RNLS: variants seen among roughly 807,000 people sequenced by gnomAD.
The protein encoded by RNLS is renalase.
A neutral mutation model predicts 39.8 loss-of-function variants in RNLS; 39 were observed. The ratio of observed to expected loss-of-function variants is 0.98; its 90% confidence interval spans 0.76 to 1.28. RNLS has a LOEUF of 1.28. Among genes scored for constraint, RNLS ranks in the 50% most tolerant of loss-of-function variants. RNLS has a pLI of 0.00. For synonymous variants in RNLS, 147 were observed against 150.7 expected (o/e 0.98, Z 0.18); for missense variants, 410 against 413.3 (o/e 0.99, Z 0.07).
At chr10:88,184,432 A>C in the RNLS span, among the ~76,000 whole-genome samples, 3 of 152,026 alleles carry the variant, frequency 2.0e-5, no homozygotes, top group Admixed American at 6.6e-5. Context: ...GAGACATTGA[A>C]ATTGAATAAT....
intron 5 of RNLS, among the ~76,000 whole-genome samples, chr10:88,349,384 C>G (rs1256041048): frequency 6.6e-6 from 1 of 152,096 alleles, no homozygotes; most frequent in East Asian, 1.9e-4. Context: ...TGAAAGGGGT[C>G]TGTTGTTTGT....
intron 5 of RNLS, among the ~76,000 whole-genome samples, chr10:88,359,035 G>C (rs192889710): frequency 6.6e-6 from 1 of 152,132 alleles, no homozygotes. Context: ...TCTCCTGGCC[G>C]GGTACAGTGG....
chr10:88,527,691 T>C (rs1014826377), intron 4 of RNLS, among the ~76,000 whole-genome samples: 14 of 151,916 alleles, frequency 9.2e-5, no homozygotes, highest in African/African-American at 3.4e-4. Flanking sequence ...TATACACAAA[T>C]ACATAGAGCT....
At chr10:88,524,956 C>CATAT (rs748723170) in intron 4 of RNLS, among the ~76,000 whole-genome samples, 5 of 76,294 alleles carry the variant, frequency 6.6e-5, no homozygotes, top group Non-Finnish European at 7.9e-5. Flanking sequence ...ATGGCACACA[C>CATAT]ATACATATAT....
chr10:88,498,995 G>A (rs996864247), intron 4 of RNLS, among the ~76,000 whole-genome samples: 2 of 152,168 alleles, frequency 1.3e-5, no homozygotes, highest in African/African-American at 4.8e-5. Context: ...TTTGAGAGAA[G>A]TGGGAAAATC....
Position 88,564,316 on chromosome 10 carries a change from T to TAC in RNLS, c.526+8585_526+8586dup, listed in dbSNP as rs5786827. 5.2e-3 allele frequency among the ~76,000 whole-genome samples: 775 copies of TAC among 149,030 alleles called. 5 individuals are homozygous for TAC. Among genetic ancestry groups the TAC allele is most frequent in the African/African-American group, 0.011 (445 of 40,618 alleles). On this transcript the variant is annotated intron_variant, in intron 4 of 6. Coordinates refer to ENST00000331772, the MANE Select transcript of RNLS (RefSeq NM_001031709.3). ...TTTGAAAGGTTGTGATGACTGCAAA[T>TAC]ACACACACACACACACACACACACA...
chr10:88,505,029 A>G (rs1845712703), intron 4 of RNLS, among the ~76,000 whole-genome samples: 1 of 152,012 alleles, frequency 6.6e-6, no homozygotes, highest in African/African-American at 2.4e-5. Context: ...TAAAAAATTA[A>G]ATCTATGGTC....
chr10:88,324,605 A>T (rs1275120300), intron 5 of RNLS, among the ~76,000 whole-genome samples: 1 of 152,036 alleles, frequency 6.6e-6, no homozygotes, highest in Non-Finnish European at 1.5e-5. Context: ...AAAATTCCCT[A>T]TTGGGTACTA....
At chr10:88,537,671 G>C (rs1475081680) in intron 4 of RNLS, among the ~76,000 whole-genome samples, 5 of 152,152 alleles carry the variant, frequency 3.3e-5, no homozygotes, top group African/African-American at 1.2e-4. Context: ...TATGCTGTCA[G>C]AAGTCTGGGT....
chr10:88,272,186 T>C (rs1842668093), downstream of RNLS, among the ~76,000 whole-genome samples: 1 of 152,174 alleles, frequency 6.6e-6, no homozygotes, highest in African/African-American at 2.4e-5. Flanking sequence ...ATGTATTTTA[T>C]ATATCATATT....
At chr10:88,224,601 G>A in the RNLS span, among the ~76,000 whole-genome samples, 6 of 152,242 alleles carry the variant, frequency 3.9e-5, no homozygotes, top group South Asian at 1.2e-3. Context: ...GCTACTTTGA[G>A]TAGGTTTTTG....
At chr10:88,364,299 C>T (rs1357140313) in intron 4 of RNLS, among the ~76,000 whole-genome samples, 1 of 152,090 alleles carries the variant, frequency 6.6e-6, no homozygotes, top group East Asian at 1.9e-4. Flanking sequence ...TTAAATCTTA[C>T]AGAAGTGGCT....
chr10:88,289,051 A>T (rs1564663903), intron 6 of RNLS, among the ~76,000 whole-genome samples: 1 of 152,294 alleles, frequency 6.6e-6, no homozygotes, highest in East Asian at 1.9e-4. Context: ...TTTGGCTCAC[A>T]TGTGTGCCAG....
At chr10:88,573,451 C>T (rs887316605) in intron 3 of RNLS, among the ~76,000 whole-genome samples, 1 of 152,166 alleles carries the variant, frequency 6.6e-6, no homozygotes, top group Non-Finnish European at 1.5e-5. Flanking sequence ...CCATCTGACT[C>T]TAAAGCTCAT....
intron 4 of RNLS, among the ~76,000 whole-genome samples, chr10:88,528,132 T>G (rs896332063): frequency 6.6e-6 from 1 of 151,862 alleles, no homozygotes; most frequent in African/African-American, 2.4e-5. Context: ...GGCACAGGGC[T>G]ACAAAATTTC....
chr10:88,178,720 G>A, the RNLS span, among the ~76,000 whole-genome samples: 4 of 152,300 alleles, frequency 2.6e-5, 1 homozygote, highest in Admixed American at 2.6e-4. Context: ...TATGGAGGAG[G>A]CAAGTGCTGG....
At chr10:88,353,096 T>C (rs544984627) in intron 5 of RNLS, among the ~76,000 whole-genome samples, 115 of 152,366 alleles carry the variant, frequency 7.5e-4, no homozygotes, top group Non-Finnish European at 1.4e-3. Context: ...TCTGTTTTCT[T>C]CTTTTTTAGT....
chr10:88,205,946 A>G, the RNLS span, among the ~76,000 whole-genome samples: 3 of 152,164 alleles, frequency 2.0e-5, no homozygotes, highest in Non-Finnish European at 4.4e-5. Flanking sequence ...GCAATGACCA[A>G]CAGAGTAGCC....
At chr10:88,359,376 T>A (rs1007112547) in intron 5 of RNLS, among the ~76,000 whole-genome samples, 5 of 150,862 alleles carry the variant, frequency 3.3e-5, no homozygotes, top group African/African-American at 1.2e-4. Context: ...TAAAATAGAG[T>A]GAAGTTACAT....
Sources: allele counts gnomAD v4.1 joint callset (sites outside exome capture counted in the v4.1 genomes callset), GRCh38; gene constraint gnomAD v4.1.1; transcripts MANE v1.5; gene names NCBI Gene and HGNC (gene_info 2026-07-23, HGNC 2026-07-21).